Variants in KCNIP4 observed in about 807,000 individuals in gnomAD.
KCNIP4 encodes the protein potassium voltage-gated channel interacting protein 4.
In KCNIP4, 12 loss-of-function variants were observed where a neutral mutation model predicts 34.0. That is an observed-to-expected ratio of 0.35 (90% CI 0.23 to 0.57). KCNIP4 has a LOEUF of 0.57. Among genes scored for constraint, KCNIP4 ranks in the 20% least tolerant of loss-of-function variants. The probability of loss-of-function intolerance (pLI) is 0.83; values close to 1 mark genes in which losing one functional copy is unlikely to be tolerated. For synonymous variants in KCNIP4, 124 were observed against 102.2 expected (o/e 1.21, Z -1.29); for missense variants, 238 against 311.7 (o/e 0.76, Z 1.78).
At chr4:20,767,480 G>A (rs1755517206) in intron 3 of KCNIP4, 1 of 152,168 alleles carries the variant, frequency 6.6e-6, no homozygotes, top group African/African-American at 2.4e-5. Flanking sequence ...AAAGATCCAT[G>A]TATGCATAGG....
chr4:21,286,772 A>G (rs1327245397), intron 1 of KCNIP4, among the ~76,000 whole-genome samples: 1 of 152,204 alleles, frequency 6.6e-6, no homozygotes, highest in African/African-American at 2.4e-5. Flanking sequence ...GACAAATTAA[A>G]AATAAAACGA....
intron 1 of KCNIP4, among the ~76,000 whole-genome samples, chr4:21,256,333 T>C (rs1205732088): frequency 1.3e-5 from 2 of 151,474 alleles, no homozygotes; most frequent in Admixed American, 6.6e-5. Context: ...ATATCAGCAT[T>C]TGGGGAGGCC....
At chr4:20,761,743 C>T (rs892407157) in intron 3 of KCNIP4, among the ~76,000 whole-genome samples, 7 of 152,180 alleles carry the variant, frequency 4.6e-5, no homozygotes, top group Non-Finnish European at 8.8e-5. Flanking sequence ...AATTTGTAAA[C>T]TGACTATCTG....
intron 1 of KCNIP4, among the ~76,000 whole-genome samples, chr4:21,206,597 A>G (rs777396173): frequency 2.6e-5 from 4 of 152,146 alleles, no homozygotes; most frequent in Non-Finnish European, 5.9e-5. Flanking sequence ...TTCCAGCCTC[A>G]TTTTTGCCAC....
At chr4:21,554,402 G>C (rs1286702798) in intron 1 of KCNIP4, among the ~76,000 whole-genome samples, 2 of 152,066 alleles carry the variant, frequency 1.3e-5, no homozygotes, top group Non-Finnish European at 2.9e-5. Context: ...GAACAGCAGA[G>C]TCATATTCAA....
intron 1 of KCNIP4, among the ~76,000 whole-genome samples, chr4:21,765,869 AAG>A (rs1347244180): frequency 6.6e-6 from 1 of 151,716 alleles, no homozygotes; most frequent in Non-Finnish European, 1.5e-5. Context: ...TGAGGACAGA[AAG>A]AGAGAGACAG....
At chr4:21,936,603 G>A (rs572209831) in intron 1 of KCNIP4, among the ~76,000 whole-genome samples, 8 of 152,082 alleles carry the variant, frequency 5.3e-5, no homozygotes, top group Admixed American at 2.6e-4. Context: ...CAGAATTACC[G>A]GGCAAGAATG....
chr4:20,851,332 C>A (rs1721000477), intron 2 of KCNIP4, among the ~76,000 whole-genome samples: 1 of 152,184 alleles, frequency 6.6e-6, no homozygotes, highest in Admixed American at 6.5e-5. Context: ...TGGCTTCCAA[C>A]TCCATCTATG....
intron 4 of KCNIP4, among the ~76,000 whole-genome samples, chr4:20,752,398 G>A (rs528460149): frequency 6.6e-6 from 1 of 152,200 alleles, no homozygotes; most frequent in East Asian, 1.9e-4. Flanking sequence ...GACACTATTT[G>A]CAAAGTGTTT....
chr4:21,783,490 T>C (rs977801108), intron 1 of KCNIP4, among the ~76,000 whole-genome samples: 2 of 152,078 alleles, frequency 1.3e-5, no homozygotes, highest in African/African-American at 2.4e-5. Context: ...TGAATAATTA[T>C]CCCAAGTGCT....
intron 1 of KCNIP4, among the ~76,000 whole-genome samples, chr4:21,255,097 G>C (rs574799348): frequency 8.5e-5 from 13 of 152,054 alleles, no homozygotes; most frequent in Non-Finnish European, 1.8e-4. Context: ...CCCCACCCTG[G>C]CTGTTGCATT....
intron 1 of KCNIP4, among the ~76,000 whole-genome samples, chr4:21,508,377 C>A (rs532161163): frequency 6.6e-6 from 1 of 152,284 alleles, no homozygotes; most frequent in South Asian, 2.1e-4. Flanking sequence ...GTTCCAAGCT[C>A]ACCGGAAATA....
intron 1 of KCNIP4, among the ~76,000 whole-genome samples, chr4:20,907,448 GGATT>G (rs759138241): frequency 5.9e-5 from 9 of 151,782 alleles, no homozygotes; most frequent in East Asian, 3.9e-4. Flanking sequence ...CTATCTCATG[GGATT>G]ATTATAAAAA....
chr4:21,786,129 A>C (rs1457790121), intron 1 of KCNIP4, among the ~76,000 whole-genome samples: 1 of 152,140 alleles, frequency 6.6e-6, no homozygotes, highest in Non-Finnish European at 1.5e-5. Context: ...TTGTATTTTC[A>C]GTAGAGATGG....
At chr4:21,070,564 G>A (rs1297334365) in intron 1 of KCNIP4, among the ~76,000 whole-genome samples, 2 of 151,506 alleles carry the variant, frequency 1.3e-5, no homozygotes, top group African/African-American at 4.9e-5. Context: ...CTTTTCATGG[G>A]CTCACTGGAC....
At chr4:20,969,310 T>A (rs1023579924) in intron 1 of KCNIP4, among the ~76,000 whole-genome samples, 1 of 152,152 alleles carries the variant, frequency 6.6e-6, no homozygotes, top group Non-Finnish European at 1.5e-5. Flanking sequence ...TACAGAAAAT[T>A]AAAATTCCTA....
intron 1 of KCNIP4, among the ~76,000 whole-genome samples, chr4:21,747,153 T>A (rs1716831799): frequency 6.6e-6 from 1 of 152,142 alleles, no homozygotes; most frequent in African/African-American, 2.4e-5. Flanking sequence ...TTGACATAAG[T>A]GATACCTTCA....
At chr4:21,902,787 G>A (rs1334396485) in intron 1 of KCNIP4, among the ~76,000 whole-genome samples, 1 of 152,138 alleles carries the variant, frequency 6.6e-6, no homozygotes, top group African/African-American at 2.4e-5. Flanking sequence ...GAGGCTTGGA[G>A]GGATTTGGGA....
intron 1 of KCNIP4, among the ~76,000 whole-genome samples, chr4:20,992,970 G>A (rs1737215259): frequency 7.0e-6 from 1 of 142,150 alleles, no homozygotes; most frequent in Non-Finnish European, 1.5e-5. Context: ...GGAGGTTGCA[G>A]TGAGCCGAGA....
Sources: allele counts gnomAD v4.1 joint callset (sites outside exome capture counted in the v4.1 genomes callset), GRCh38; gene constraint gnomAD v4.1.1; transcripts MANE v1.5; gene names NCBI Gene and HGNC (gene_info 2026-07-23, HGNC 2026-07-21).